ATXN2: variants seen among roughly 807,000 people sequenced by gnomAD.
ATXN2 encodes the protein ataxin-2.
ATXN2 carries 37 observed loss-of-function variants against 138.6 expected under a neutral mutation model. That is an observed-to-expected ratio of 0.27 (90% CI 0.21 to 0.35). ATXN2 has a LOEUF of 0.35. Ranked by LOEUF, ATXN2 falls within the 10% of genes least tolerant of loss-of-function variation. The probability of loss-of-function intolerance (pLI) is 1.00; values close to 1 mark genes in which losing one functional copy is unlikely to be tolerated. For missense variants in ATXN2, 1,216 were observed against 1,480.3 expected, an observed-to-expected ratio of 0.82 and a Z score of 2.93; for synonymous variants, 549 against 543.7, an observed-to-expected ratio of 1.01 and a Z score of -0.13.
At chr12:111,479,794 T>C (rs141678194) in intron 18 of ATXN2, among the ~76,000 whole-genome samples, 7 of 150,902 alleles carry the variant, frequency 4.6e-5, no homozygotes, top group Non-Finnish European at 5.9e-5. Flanking sequence ...CTTCTTCCAA[T>C]ATGACCCAGG....
intron 14 of ATXN2, among the ~76,000 whole-genome samples, chr12:111,491,793 G>T: frequency 6.6e-6 from 1 of 152,202 alleles, no homozygotes; most frequent in Admixed American, 6.5e-5. Flanking sequence ...CACATTCACA[G>T]CTGTGGTGTC....
At chr12:111,462,348 T>C (rs1420390926) in intron 21 of ATXN2, among the ~76,000 whole-genome samples, 2 of 152,210 alleles carry the variant, frequency 1.3e-5, no homozygotes, top group African/African-American at 4.8e-5. Flanking sequence ...GTGATCTCAC[T>C]GAAGCAAATT....
At position 111,453,500 on chromosome 12, in the gene ATXN2, G is replaced by A. The variant is rs1026620326; in HGVS notation, c.3439+177C>T. ...CAGAACACACACAGACTCGGCTCCC[G>A]GAAGCCTCAGGCCCTGATGCTGAAC... On this transcript the variant is annotated intron_variant, in intron 24 of 24. Transcript: ENST00000673436. This position sits in a 1 kb window ranked among gnomAD's most constrained non-coding sequence, Gnocchi z 5.4. 9.7e-6 allele frequency: 13 copies of A among 1,334,466 alleles called. No individual in the cohort carries two copies. Among genetic ancestry groups the A allele is most frequent in the African/African-American group, 9.1e-5 (6 of 65,946 alleles). 82.7% of individuals were successfully genotyped at this position (1,334,466 alleles called of 1,614,324 possible).
At chr12:111,558,585 T>G (rs1297756904) in intron 1 of ATXN2, among the ~76,000 whole-genome samples, 1 of 152,002 alleles carries the variant, frequency 6.6e-6, no homozygotes, top group Non-Finnish European at 1.5e-5. Context: ...ATCACTTGAG[T>G]GCCGGAGTTT....
intron 5 of ATXN2, among the ~76,000 whole-genome samples, chr12:111,546,223 C>T (rs1230501523): frequency 6.6e-6 from 1 of 152,200 alleles, no homozygotes; most frequent in African/African-American, 2.4e-5. Flanking sequence ...GGACAGAGCA[C>T]ATTCTGTTAC....
rs1407364808 is a variant in ATXN2 at position 111,597,917 on chromosome 12, G to C, written c.251+867C>G. 3 of 1,273,190 alleles carry C rather than the reference G, an allele frequency of 2.4e-6. No homozygotes were observed. The African/African-American group carries it at 4.6e-5, about 19-fold the overall frequency. 78.9% of individuals were successfully genotyped at this position (1,273,190 alleles called of 1,614,324 possible). A position where few individuals can be genotyped will look rare whatever the true frequency, so the allele number is the denominator to read the frequency against. On this transcript the variant is annotated intron_variant, in intron 1 of 24. Coordinates refer to ENST00000673436, the MANE Select transcript of ATXN2 (RefSeq NM_001372574.1). ...AGCCTGGGTCCAGCCCTCACCCACCGATGTTCCACAGGCGCCTTCTCCACT... is the reference window on the plus strand; with the variant it reads ...AGCCTGGGTCCAGCCCTCACCCACCCATGTTCCACAGGCGCCTTCTCCACT...
At chr12:111,597,788 ATC>A in intron 1 of ATXN2, 4 of 1,137,608 alleles carry the variant, frequency 3.5e-6, no homozygotes, top group African/African-American at 1.6e-5. Flanking sequence ...CCCTGCTGCA[ATC>A]TCTCTCTCCT....
chr12:111,554,226 TTA>T lies in ATXN2; in HGVS notation c.289-11_289-10del. The T allele has an allele frequency of 2.9e-6, 4 of 1,366,492 alleles. No individual in the cohort carries two copies. The highest frequency in any genetic ancestry group is 9.7e-7 in the Non-Finnish European group (1 of 1,029,594). 84.6% of individuals were successfully genotyped at this position (1,366,492 alleles called of 1,614,324 possible). A position where few individuals can be genotyped will look rare whatever the true frequency, so the allele number is the denominator to read the frequency against. ...ATTCCATCAAAAGAAATCTGGAATA[TTA>T]AAAAAAAAAAAAACTATTAGAAATT... On this transcript the variant is annotated splice_polypyrimidine_tract_variant and intron_variant, in intron 2 of 24. Transcript: ENST00000673436.
chr12:111,463,004 ATATGTATG>A (rs143183760), intron 21 of ATXN2, among the ~76,000 whole-genome samples: 1 of 151,394 alleles, frequency 6.6e-6, no homozygotes. Context: ...ACACACACAT[ATATGTATG>A]TATGTATGTA....
intron 1 of ATXN2, among the ~76,000 whole-genome samples, chr12:111,572,005 C>G (rs1407823674): frequency 8.3e-6 from 1 of 120,378 alleles, no homozygotes; most frequent in Non-Finnish European, 1.7e-5. Flanking sequence ...CAGCAAGACT[C>G]TGTCTCAAAA....
At chr12:111,565,106 T>G (rs1019899919) in intron 1 of ATXN2, among the ~76,000 whole-genome samples, 1 of 152,086 alleles carries the variant, frequency 6.6e-6, no homozygotes, top group Non-Finnish European at 1.5e-5. Context: ...GTCATGAATG[T>G]CCCCATATTC....
intron 1 of ATXN2, among the ~76,000 whole-genome samples, chr12:111,561,813 GTCTT>G (rs1241217775): frequency 1.3e-5 from 2 of 151,710 alleles, no homozygotes; most frequent in African/African-American, 2.4e-5. Flanking sequence ...GCAAGACTCC[GTCTT>G]TCTGTTTTTT....
chr12:111,579,342 A>C (rs564449838), intron 1 of ATXN2, among the ~76,000 whole-genome samples: 2 of 152,226 alleles, frequency 1.3e-5, no homozygotes, highest in East Asian at 3.9e-4. Flanking sequence ...GGCTCACCAC[A>C]ACCTCTGCCT....
At chr12:111,538,258 C>T (rs1881302252) in intron 5 of ATXN2, among the ~76,000 whole-genome samples, 1 of 152,074 alleles carries the variant, frequency 6.6e-6, no homozygotes, top group Admixed American at 6.6e-5. Flanking sequence ...CTTACTAATA[C>T]ATTCTGTTTG....
chr12:111,525,572 G>A (rs1222722248), intron 5 of ATXN2, among the ~76,000 whole-genome samples: 1 of 152,016 alleles, frequency 6.6e-6, no homozygotes, highest in East Asian at 1.9e-4. Context: ...AAACTGATAC[G>A]GAATATATAG....
chr12:111,462,243 G>A (rs111954050), intron 21 of ATXN2, among the ~76,000 whole-genome samples: 6 of 152,282 alleles, frequency 3.9e-5, no homozygotes, highest in African/African-American at 1.2e-4. Context: ...TTCCCACTCA[G>A]TGTTCCTTGA....
chr12:111,467,612 T>C (rs923431424), intron 20 of ATXN2, among the ~76,000 whole-genome samples: 8 of 152,188 alleles, frequency 5.3e-5, no homozygotes, highest in Admixed American at 5.2e-4. Flanking sequence ...CAGATTTGGC[T>C]GAGTAACTTT....
chr12:111,462,267 G>A (rs1028283773), intron 21 of ATXN2, among the ~76,000 whole-genome samples: 51 of 152,124 alleles, frequency 3.4e-4, no homozygotes, highest in African/African-American at 1.2e-3. Context: ...AAATATTTAA[G>A]ATTCTAAACA....
chr12:111,488,589 A>G lies in ATXN2; in HGVS notation c.2127T>C (p.Leu709=). The change falls in exon 15 of 25, where the codon CTT becomes CTC. Residue 709 remains leucine (L), a synonymous_variant. Coordinates refer to ENST00000673436, the MANE Select transcript of ATXN2 (RefSeq NM_001372574.1). The part of the protein sequence containing the change: ...PNSPSISPSI[L]SNTEHKRGPE... ...GTCCCCTCTTGTGCTCCGTGTTACT[A>G]AGTATTGAAGGGGAAATGCTGGGGC... 6.2e-7 allele frequency: 1 copy of G among 1,614,058 alleles called. No individual in the cohort carries two copies.
Sources: gnomAD v4.1 joint callset for allele counts (sites outside exome capture counted in the v4.1 genomes callset) on GRCh38, gnomAD v4.1.1 for gene constraint, Gnocchi (gnomAD v3.1) non-coding constraint, MANE v1.5 for transcripts, NCBI Gene and HGNC (gene_info 2026-07-23, HGNC 2026-07-21) for gene names.